AFF1: variants seen among roughly 807,000 people sequenced by gnomAD.
AFF1 encodes ALF transcription elongation factor 1.
In AFF1, 48 loss-of-function variants were observed where a neutral mutation model predicts 121.7. The observed-to-expected ratio is 0.39, with a 90% CI of 0.31 to 0.50. The LOEUF is 0.50. Ranked by LOEUF, AFF1 falls within the 20% of genes least tolerant of loss-of-function variation. The probability of loss-of-function intolerance (pLI) is 0.76; values close to 1 mark genes in which losing one functional copy is unlikely to be tolerated. For missense variants in AFF1, 1,523 were observed against 1,511.7 expected, an observed-to-expected ratio of 1.01 and a Z score of -0.12; for synonymous variants, 613 against 563.0, an observed-to-expected ratio of 1.09 and a Z score of -1.26.
intron 17 of AFF1, 68 bp downstream of exon 17, chr4:87,131,287 A>C: frequency 6.3e-7 from 1 of 1,576,304 alleles, no homozygotes; most frequent in Non-Finnish European, 8.6e-7. Context: ...GTTTTAATCC[A>C]TTTGAACCTT....
chr4:87,072,585 G>A (rs538699615), intron 4 of AFF1, among the ~76,000 whole-genome samples: 2 of 151,878 alleles, frequency 1.3e-5, no homozygotes, highest in East Asian at 1.9e-4. Context: ...GCAGTGGCAC[G>A]ATCTCAGCTC....
chr4:87,060,174 C>CT (rs1365833746), intron 4 of AFF1, among the ~76,000 whole-genome samples: 1 of 152,164 alleles, frequency 6.6e-6, no homozygotes. Flanking sequence ...AATAAACAGC[C>CT]TAATCCATTC....
chr4:87,064,716 TAA>T (rs1721155235), intron 4 of AFF1, among the ~76,000 whole-genome samples: 2 of 151,858 alleles, frequency 1.3e-5, no homozygotes, highest in African/African-American at 4.8e-5. Context: ...CTGTCTCTAC[TAA>T]AAATGCAAAA....
intron 1 of AFF1, among the ~76,000 whole-genome samples, chr4:86,944,292 T>C (rs1381303544): frequency 6.6e-6 from 1 of 152,114 alleles, no homozygotes; most frequent in Admixed American, 6.5e-5. Flanking sequence ...TTACAAACAT[T>C]ATGTCCCCGA....
chr4:86,953,824 A>C (rs1721550119), intron 2 of AFF1, among the ~76,000 whole-genome samples: 1 of 151,584 alleles, frequency 6.6e-6, no homozygotes, highest in Non-Finnish European at 1.5e-5. Flanking sequence ...GGTTCAAGCG[A>C]TTCTCCTGCT....
intron 16 of AFF1, 136 bp from the exon 17 acceptor site, chr4:87,130,947 G>T (rs1471356718): frequency 1.7e-6 from 2 of 1,186,880 alleles, no homozygotes; most frequent in Non-Finnish European, 2.4e-6. Context: ...ATCATTTTTA[G>T]TTCATTCATC....
chr4:87,120,991 G>T (rs1049339417), intron 12 of AFF1, among the ~76,000 whole-genome samples: 6 of 146,966 alleles, frequency 4.1e-5, no homozygotes, highest in African/African-American at 1.5e-4. Context: ...CTTCACTCTT[G>T]CCCTGTGCTC....
intron 2 of AFF1, among the ~76,000 whole-genome samples, chr4:87,017,722 A>G (rs1727447404): frequency 6.6e-6 from 1 of 152,232 alleles, no homozygotes; most frequent in Non-Finnish European, 1.5e-5. Flanking sequence ...AAGATAAGTT[A>G]TCTAAGTGAA....
At chr4:86,936,345 T>C (rs1719991349) in intron 1 of AFF1, 1 of 152,270 alleles carries the variant, frequency 6.6e-6, no homozygotes, top group Non-Finnish European at 1.5e-5. Flanking sequence ...GAAGACCCAG[T>C]GTTCCCTGGG....
chr4:87,086,991 C>T (rs2149708617), intron 5 of AFF1, among the ~76,000 whole-genome samples: 1 of 152,192 alleles, frequency 6.6e-6, no homozygotes, highest in East Asian at 1.9e-4. Context: ...AGCAGACATA[C>T]ACTGTTAGTT....
chr4:87,012,513 C>G (rs921237451), intron 2 of AFF1, among the ~76,000 whole-genome samples: 2 of 152,096 alleles, frequency 1.3e-5, no homozygotes, highest in African/African-American at 4.8e-5. Context: ...GAGTACATAA[C>G]TTTTACGGGT....
chr4:87,074,947 A>C (rs375281917), intron 4 of AFF1, among the ~76,000 whole-genome samples: 1 of 152,228 alleles, frequency 6.6e-6, no homozygotes, highest in African/African-American at 2.4e-5. Context: ...CCTTGGTTTC[A>C]TAATTAAAAG....
chr4:87,078,559 C>T (rs1427510698), intron 4 of AFF1, among the ~76,000 whole-genome samples: 1 of 152,130 alleles, frequency 6.6e-6, no homozygotes, highest in Non-Finnish European at 1.5e-5. Context: ...AGTAAGGGAG[C>T]ATCAGGGATG....
chr4:87,126,034 TA>T (rs1728205593), intron 13 of AFF1, 64 bp from the exon 14 acceptor site: 1 of 1,512,672 alleles, frequency 6.6e-7, no homozygotes, highest in Non-Finnish European at 9.1e-7. Context: ...AGTTTGTAAC[TA>T]AACAACGAAG....
At chr4:86,953,954 A>G (rs1301450319) in intron 2 of AFF1, among the ~76,000 whole-genome samples, 2 of 151,766 alleles carry the variant, frequency 1.3e-5, no homozygotes, top group Non-Finnish European at 2.9e-5. Flanking sequence ...TAGGTGATCT[A>G]CCTGCCTCGG....
intron 4 of AFF1, among the ~76,000 whole-genome samples, chr4:87,058,213 C>T (rs1213662485): frequency 6.6e-6 from 1 of 152,050 alleles, no homozygotes; most frequent in Non-Finnish European, 1.5e-5. Context: ...GAAACCTGGA[C>T]CCTGGCTCCT....
chr4:87,137,426 C>T lies in AFF1; in HGVS notation c.*1725C>T. 4.3e-6 allele frequency: 1 copy of T among 230,934 alleles called. No homozygotes were observed. Among genetic ancestry groups the T allele is most frequent in the South Asian group, 1.8e-4 (1 of 5,500 alleles). The allele number at this position is 230,934 out of a possible 1,614,324, so 14.3% of individuals were successfully genotyped here. ...GGATGGGAGCGATGCTTATCTCTCACAGTGTGAGTGGTCTGTGTGAGGCTG... is the reference window on the plus strand; with the variant it reads ...GGATGGGAGCGATGCTTATCTCTCATAGTGTGAGTGGTCTGTGTGAGGCTG... On this transcript the variant is annotated 3_prime_UTR_variant, in exon 21 of 21. Transcript: ENST00000395146.
intron 2 of AFF1, among the ~76,000 whole-genome samples, chr4:86,994,114 GT>G (rs1471343259): frequency 6.6e-6 from 1 of 152,230 alleles, no homozygotes; most frequent in Non-Finnish European, 1.5e-5. Context: ...TAAAACACAG[GT>G]TCTAACTCAA....
chr4:87,010,571 G>C (rs1726635701), intron 2 of AFF1, among the ~76,000 whole-genome samples: 1 of 152,176 alleles, frequency 6.6e-6, no homozygotes, highest in South Asian at 2.1e-4. Flanking sequence ...TTTTATAGAA[G>C]TATAAAAACT....
Sources: allele counts gnomAD v4.1 joint callset (sites outside exome capture counted in the v4.1 genomes callset), GRCh38; gene constraint gnomAD v4.1.1; transcripts MANE v1.5; gene names NCBI Gene and HGNC (gene_info 2026-07-23, HGNC 2026-07-21).